PCDHA6: variants seen among roughly 807,000 people sequenced by gnomAD.
PCDHA6 encodes the protein protocadherin alpha 6, also known as protocadherin alpha-6.
A neutral mutation model predicts 60.3 loss-of-function variants in PCDHA6; 55 were observed. The observed-to-expected ratio is 0.91, with a 90% CI of 0.73 to 1.14. The LOEUF (loss-of-function observed/expected upper bound fraction) is 1.14. Ranked by LOEUF, PCDHA6 falls within the 50% of genes most tolerant of loss-of-function variation. The probability of loss-of-function intolerance (pLI) is 0.00; values close to 1 mark genes in which losing one functional copy is unlikely to be tolerated. For synonymous variants in PCDHA6, 652 were observed against 557.9 expected, an observed-to-expected ratio of 1.17 and a Z score of -2.38; for missense variants, 1,327 against 1,256.5, an observed-to-expected ratio of 1.06 and a Z score of -0.85.
chr5:140,871,688 G>C lies in PCDHA6; in HGVS notation c.2394+41203G>C, dbSNP rs868933304. On this transcript the variant is annotated intron_variant, in intron 1 of 3. Coordinates refer to ENST00000529310, the MANE Select transcript of PCDHA6 (RefSeq NM_018909.4). ...GTCTTTTAATCATATGAATAATCTG[G>C]CTTCTTTAACCAATAAATGTCCTAT... 1.9e-5 allele frequency: 20 copies of C among 1,060,782 alleles called. No homozygotes were observed. In the African/African-American group the frequency reaches 2.1e-4, roughly 11 times the overall value. The allele number at this position is 1,060,782 out of a possible 1,614,324, so 65.7% of individuals were successfully genotyped here. A position where few individuals can be genotyped will look rare whatever the true frequency, so the allele number is the denominator to read the frequency against.
rs140822878 is a variant in PCDHA6 at position 140,941,951 on chromosome 5, A to C, written c.2395-36998A>C. Among the ~76,000 whole-genome samples the C allele has an allele frequency of 9.8e-5, 15 of 152,306 alleles. No individual in the cohort carries two copies. The East Asian group carries it at 2.7e-3, about 27-fold the overall frequency. On this transcript the variant is annotated intron_variant, in intron 1 of 3. Transcript: ENST00000529310. Reference sequence around the variant, plus strand: ...ATATTTGAATTACTTTTGTTTTGAAAACAATAGTATCTTTACTTTCCCTAA... The same window carrying C: ...ATATTTGAATTACTTTTGTTTTGAACACAATAGTATCTTTACTTTCCCTAA...
intron 1 of PCDHA6, chr5:140,854,737 A>T (rs2043210768): frequency 6.7e-6 from 1 of 149,840 alleles, no homozygotes. Flanking sequence ...TTTTTTCAGC[A>T]GCACAGATAT....
chr5:140,828,520 C>G lies in PCDHA6; in HGVS notation c.429C>G (p.Tyr143Ter). The G allele has an allele frequency of 2.5e-6, 4 of 1,614,198 alleles. No homozygotes were observed. The highest frequency in any genetic ancestry group is 1.6e-4 in the Middle Eastern group (1 of 6,062). The part of the protein sequence containing the change: ...FPVEEQRVLI[Y>*]ESRLPDSVFP... The stretch of plus-strand genomic sequence containing the variant: ...TAGAGGAACAAAGAGTGCTGATTTA[C>G]GAATCTAGGCTGCCAGATTCTGTGT... The change falls in exon 1 of 4, where the codon TAC becomes TAG. Residue 143 changes from tyrosine to a stop codon, truncating the protein, a stop_gained. Transcript: ENST00000529310. LOFTEE classifies it high-confidence loss of function.
intron 1 of PCDHA6, among the ~76,000 whole-genome samples, chr5:140,954,531 G>A (rs564993313): frequency 4.6e-5 from 7 of 152,218 alleles, no homozygotes; most frequent in African/African-American, 1.4e-4. Context: ...GTGATGTTGA[G>A]GTTTTTTTCA....
At chr5:140,892,013 C>T (rs2063353338) in intron 1 of PCDHA6, among the ~76,000 whole-genome samples, 1 of 152,206 alleles carries the variant, frequency 6.6e-6, no homozygotes, top group South Asian at 2.1e-4. Context: ...GTTATAGCAG[C>T]ACAAATGGTC....
rs2041909016 is a variant in PCDHA6, at chr5:140,850,973, A to G, written c.2394+20488A>G. 2.1e-6 allele frequency: 3 copies of G among 1,455,694 alleles called. No individual in the cohort carries two copies. In the South Asian group the frequency reaches 4.4e-5, roughly 21 times the overall value. 90.2% of individuals were successfully genotyped at this position (1,455,694 alleles called of 1,614,324 possible). A position where few individuals can be genotyped will look rare whatever the true frequency, so the allele number is the denominator to read the frequency against. ...GATTACTCCCAGGGGCCGTTCAAATAGTTTTATTCATTTTTCTAGAAATCC... is the reference window on the plus strand; with the variant it reads ...GATTACTCCCAGGGGCCGTTCAAATGGTTTTATTCATTTTTCTAGAAATCC... On this transcript the variant is annotated intron_variant, in intron 1 of 3. Transcript: ENST00000529310.
At chr5:140,850,001 C>T in intron 1 of PCDHA6, 1 of 1,597,070 alleles carries the variant, frequency 6.3e-7, no homozygotes, top group Non-Finnish European at 8.6e-7. Flanking sequence ...TGGGCGAGCG[C>T]TCGCTGTCGA....
chr5:140,952,857 G>T (rs2094808262), intron 1 of PCDHA6, among the ~76,000 whole-genome samples: 1 of 152,120 alleles, frequency 6.6e-6, no homozygotes, highest in Non-Finnish European at 1.5e-5. Context: ...TTCTGGGGAG[G>T]CCTCAGGAAA....
At chr5:140,948,866 G>A (rs552659179) in intron 1 of PCDHA6, among the ~76,000 whole-genome samples, 32 of 151,022 alleles carry the variant, frequency 2.1e-4, no homozygotes, top group Non-Finnish European at 2.5e-4. Context: ...ATATTACTTC[G>A]GGTTTACTTT....
chr5:140,870,880 G>C (rs782304708), intron 1 of PCDHA6: 1 of 1,613,948 alleles, frequency 6.2e-7, no homozygotes, highest in South Asian at 1.1e-5. Context: ...GGTGGCGAAG[G>C]TGCGCGCAGT....
At chr5:140,843,811 A>G (rs1388764041) in intron 1 of PCDHA6, 1 of 1,276,222 alleles carries the variant, frequency 7.8e-7, no homozygotes, top group Non-Finnish European at 1.1e-6. Context: ...CGTATTTTAT[A>G]GTGAAAATTT....
chr5:140,863,242 G>A (rs2047891518), intron 1 of PCDHA6: 3 of 1,345,158 alleles, frequency 2.2e-6, no homozygotes, highest in African/African-American at 2.9e-5. Context: ...GCGGGCTTTG[G>A]CGGGCGTCGA....
intron 3 of PCDHA6, among the ~76,000 whole-genome samples, chr5:140,989,274 G>A (rs3756325): frequency 0.3 from 45,270 of 152,016 alleles, 6,976 homozygotes; most frequent in East Asian, 0.43. Flanking sequence ...GTTTCTGCTG[G>A]GGACATCTCA....
chr5:140,969,428 CAA>C lies in PCDHA6; in HGVS notation c.2395-9520_2395-9519del, dbSNP rs2096329692. The stretch of plus-strand genomic sequence containing the variant: ...GGCTTTATTGAGTCATTAACAGTGA[CAA>C]GAGTTATCTGGTAAACTGAGTATAT... On this transcript the variant is annotated intron_variant, in intron 1 of 3. Coordinates refer to ENST00000529310, the MANE Select transcript of PCDHA6 (RefSeq NM_018909.4). 8.4e-6 allele frequency: 13 copies of C among 1,555,028 alleles called. No homozygotes were observed. The East Asian group carries it at 1.4e-4, about 17-fold the overall frequency.
chr5:140,996,111 G>C (rs981356405), intron 3 of PCDHA6, among the ~76,000 whole-genome samples: 1 of 152,220 alleles, frequency 6.6e-6, no homozygotes, highest in East Asian at 1.9e-4. Context: ...GTATGGAAGT[G>C]TGCAGGGTGG....
chr5:140,981,883 C>T (rs1488792007), intron 2 of PCDHA6, among the ~76,000 whole-genome samples: 1 of 152,146 alleles, frequency 6.6e-6, no homozygotes, highest in Non-Finnish European at 1.5e-5. Context: ...GAATTAATCT[C>T]TTCTGAGCGG....
intron 1 of PCDHA6, among the ~76,000 whole-genome samples, chr5:140,959,126 G>A (rs1417334893): frequency 6.6e-6 from 1 of 152,066 alleles, no homozygotes; most frequent in Non-Finnish European, 1.5e-5. Context: ...GGCGAGGTGA[G>A]CCCACTTTGG....
At chr5:140,880,861 T>C (rs1416708298) in intron 1 of PCDHA6, among the ~76,000 whole-genome samples, 1 of 152,188 alleles carries the variant, frequency 6.6e-6, no homozygotes, top group African/African-American at 2.4e-5. Context: ...AGTCTAATTA[T>C]GTGAAGAGGT....
chr5:140,870,317 C>G lies in PCDHA6; in HGVS notation c.2394+39832C>G, dbSNP rs782216904. On this transcript the variant is annotated intron_variant, in intron 1 of 3. Coordinates refer to ENST00000529310, the MANE Select transcript of PCDHA6 (RefSeq NM_018909.4). ...GTGTCCACCTTCAAGAATTACTACT[C>G]GTTGGTGCTGGACAGCGCCCTGGAC... 122 of 1,614,080 alleles carry G rather than the reference C, an allele frequency of 7.6e-5. No individual in the cohort carries two copies. Among genetic ancestry groups the G allele is most frequent in the Non-Finnish European group, 1.0e-4 (120 of 1,180,036 alleles).
Sources: gnomAD v4.1 joint callset for allele counts (sites outside exome capture counted in the v4.1 genomes callset) on GRCh38, gnomAD v4.1.1 for gene constraint, MANE v1.5 for transcripts, NCBI Gene and HGNC (gene_info 2026-07-23, HGNC 2026-07-21) for gene names.